The following CPQ variants were observed in gnomAD, a reference collection of about 807,000 sequenced individuals.
CPQ encodes Ser-Met dipeptidase.
A neutral mutation model predicts 45.7 loss-of-function variants in CPQ; 37 were observed. That is an observed-to-expected ratio of 0.81 (90% CI 0.62 to 1.07). CPQ has a LOEUF of 1.07. Ranked by LOEUF, CPQ falls within the 50% of genes least tolerant of loss-of-function variation. CPQ has a pLI of 0.00. For synonymous variants in CPQ, 186 were observed against 205.8 expected (o/e 0.90, Z 0.82); for missense variants, 537 against 572.9 (o/e 0.94, Z 0.64).
chr8:97,067,660 A>G (rs1347232033), intron 7 of CPQ, among the ~76,000 whole-genome samples: 1 of 152,224 alleles, frequency 6.6e-6, no homozygotes, highest in Non-Finnish European at 1.5e-5. Context: ...ATAATCTTTC[A>G]TAACTAAAAA....
intron 6 of CPQ, among the ~76,000 whole-genome samples, chr8:97,038,973 T>G (rs1420019055): frequency 1.3e-5 from 2 of 152,230 alleles, no homozygotes. Flanking sequence ...GAAAGAGATT[T>G]GTAGCACATA....
chr8:96,740,407 A>G (rs1181498048), intron 1 of CPQ, among the ~76,000 whole-genome samples: 1 of 152,110 alleles, frequency 6.6e-6, no homozygotes, highest in Non-Finnish European at 1.5e-5. Context: ...GTCATCTGCA[A>G]ACAGGGACAA....
At chr8:96,997,826 A>C (rs1809202301) in intron 5 of CPQ, among the ~76,000 whole-genome samples, 1 of 151,996 alleles carries the variant, frequency 6.6e-6, no homozygotes, top group South Asian at 2.1e-4. Flanking sequence ...GAACAATATT[A>C]AGTCTTAAGC....
At chr8:96,931,945 C>A (rs558835270) in intron 4 of CPQ, among the ~76,000 whole-genome samples, 1 of 150,116 alleles carries the variant, frequency 6.7e-6, no homozygotes, top group Admixed American at 6.6e-5. Context: ...AGCCAATCAG[C>A]AACTTCCCCA....
rs186615267 is a variant in CPQ, at chr8:97,074,839, A to T, written c.1255+8629A>T. On this transcript the variant is annotated intron_variant, in intron 7 of 7. Coordinates refer to ENST00000220763, the MANE Select transcript of CPQ (RefSeq NM_016134.4). ...GATGAGATAATAATATGAAAAAGGCAGGTGTCCCTGTGGGGCCGGAAAGGA... is the reference window on the plus strand; with the variant it reads ...GATGAGATAATAATATGAAAAAGGCTGGTGTCCCTGTGGGGCCGGAAAGGA... 1.5e-3 allele frequency among the ~76,000 whole-genome samples: 231 copies of T among 152,180 alleles called. 1 individual carries two copies. The highest frequency in any genetic ancestry group is 1.1e-3 in the Non-Finnish European group (73 of 67,974).
At chr8:96,724,839 A>G (rs1248058834) in intron 1 of CPQ, among the ~76,000 whole-genome samples, 1 of 152,158 alleles carries the variant, frequency 6.6e-6, no homozygotes, top group Non-Finnish European at 1.5e-5. Flanking sequence ...GAGGCATCAC[A>G]TTATCCAACT....
intron 3 of CPQ, among the ~76,000 whole-genome samples, chr8:96,876,423 T>A (rs958792252): frequency 1.4e-4 from 21 of 152,232 alleles, no homozygotes; most frequent in African/African-American, 2.4e-4. Context: ...ATTTAAAAAA[T>A]TTTTTTATTA....
intron 2 of CPQ, among the ~76,000 whole-genome samples, chr8:96,809,187 T>TAA (rs1388901989): frequency 1.3e-5 from 2 of 152,006 alleles, no homozygotes; most frequent in African/African-American, 4.8e-5. Flanking sequence ...ACTATATATA[T>TAA]AATATACATA....
intron 4 of CPQ, among the ~76,000 whole-genome samples, chr8:96,922,027 A>T (rs1284678682): frequency 6.6e-6 from 1 of 152,174 alleles, no homozygotes; most frequent in Non-Finnish European, 1.5e-5. Context: ...TTTTACTTTA[A>T]GATATGGAGA....
At chr8:96,841,502 T>A (rs1811608457) in intron 3 of CPQ, among the ~76,000 whole-genome samples, 1 of 152,222 alleles carries the variant, frequency 6.6e-6, no homozygotes, top group South Asian at 2.1e-4. Flanking sequence ...TTCCTAGTTA[T>A]TTTCTCCATT....
In CPQ at chr8:97,123,175, AAT is replaced by A. The variant is rs1453148812; in HGVS notation, c.1256-19841_1256-19840del. 1.9e-3 allele frequency among the ~76,000 whole-genome samples: 131 copies of A among 67,316 alleles called. 3 individuals are homozygous for A. Among genetic ancestry groups the A allele is most frequent in the African/African-American group, 5.8e-3 (97 of 16,588 alleles). 44.2% of individuals were successfully genotyped at this position (67,316 alleles called of 152,430 possible). ...AATAAAATAAAATAAAATAAAATAA[AAT>A]ATAAAATAAAATAAAATAAAATAAA... On this transcript the variant is annotated intron_variant, in intron 7 of 7. Coordinates refer to ENST00000220763, the MANE Select transcript of CPQ (RefSeq NM_016134.4).
chr8:96,990,111 C>T (rs1809062914), intron 5 of CPQ, among the ~76,000 whole-genome samples: 1 of 152,110 alleles, frequency 6.6e-6, no homozygotes, highest in African/African-American at 2.4e-5. Context: ...CACAGAGTGC[C>T]CTTCTCCTCC....
chr8:97,009,582 T>C (rs1809445178), intron 5 of CPQ, among the ~76,000 whole-genome samples: 1 of 152,186 alleles, frequency 6.6e-6, no homozygotes, highest in Admixed American at 6.5e-5. Context: ...GCAAAAAATG[T>C]TTTTTATTCT....
In CPQ at chr8:97,025,118, G is replaced by GC. The variant is rs539836492; in HGVS notation, c.962-4281dup. Among the ~76,000 whole-genome samples the GC allele has an allele frequency of 4.3e-4, 65 of 152,202 alleles. 2 individuals carry two copies. In the South Asian group the frequency reaches 0.012, roughly 27 times the overall value. ...CTGAGGGCCAAGTTTACTTTGCTCT[G>GC]CCCCTCTCTGTGCAAGTGTAAGACA... On this transcript the variant is annotated intron_variant, in intron 5 of 7. Coordinates refer to ENST00000220763, the MANE Select transcript of CPQ (RefSeq NM_016134.4).
intron 6 of CPQ, among the ~76,000 whole-genome samples, chr8:97,060,137 T>C (rs187792777): frequency 1.3e-5 from 2 of 152,312 alleles, no homozygotes; most frequent in African/African-American, 4.8e-5. Context: ...GGAGCTATTA[T>C]TGAACTTGGG....
intron 2 of CPQ, among the ~76,000 whole-genome samples, chr8:96,805,073 T>C (rs374898992): frequency 9.7e-4 from 147 of 152,330 alleles, no homozygotes; most frequent in African/African-American, 3.3e-3. Flanking sequence ...AAAATATAGC[T>C]AATGATGTGC....
intron 5 of CPQ, among the ~76,000 whole-genome samples, chr8:96,985,936 T>A (rs1214013878): frequency 6.6e-6 from 1 of 152,208 alleles, no homozygotes; most frequent in Non-Finnish European, 1.5e-5. Context: ...AAAGATATAA[T>A]TTTTCTATGT....
chr8:96,884,904 T>C (rs1466530869), intron 4 of CPQ, among the ~76,000 whole-genome samples: 1 of 152,188 alleles, frequency 6.6e-6, no homozygotes, highest in Non-Finnish European at 1.5e-5. Context: ...CTTATAAAAT[T>C]AGCTGCAGTG....
In CPQ at chr8:96,744,457, G is replaced by A. The variant is rs112654115; in HGVS notation, c.-34-40407G>A. Among the ~76,000 whole-genome samples the A allele has an allele frequency of 6.3e-3, 960 of 152,334 alleles. 12 individuals carry two copies. The highest frequency in any genetic ancestry group is 0.022 in the African/African-American group (894 of 41,566). The stretch of plus-strand genomic sequence containing the variant: ...GTCTTCTGCGTCGGTCATGCTGGGA[G>A]CTGTAGACCGGAGGTGTTCCTATTC... On this transcript the variant is annotated intron_variant, in intron 1 of 7. Coordinates refer to ENST00000220763, the MANE Select transcript of CPQ (RefSeq NM_016134.4).
Sources: gnomAD v4.1 joint callset for allele counts (sites outside exome capture counted in the v4.1 genomes callset) on GRCh38, gnomAD v4.1.1 for gene constraint, MANE v1.5 for transcripts, NCBI Gene and HGNC (gene_info 2026-07-23, HGNC 2026-07-21) for gene names.